Variants in DCDC2 observed in about 807,000 individuals in gnomAD.
DCDC2 encodes doublecortin domain containing 2, also known as doublecortin domain-containing protein 2.
In DCDC2, 40 loss-of-function variants were observed where a neutral mutation model predicts 50.2. That is an observed-to-expected ratio of 0.80 (90% confidence interval 0.62 to 1.04). DCDC2 has a LOEUF of 1.04. DCDC2 is among the 50% of genes least tolerant of loss of function. The pLI is 0.00. For synonymous variants in DCDC2, 234 were observed against 210.6 expected (o/e 1.11, Z -0.96); for missense variants, 570 against 581.9 (o/e 0.98, Z 0.21).
chr6:24,239,352 C>T (rs1424094640), intron 7 of DCDC2, among the ~76,000 whole-genome samples: 4 of 152,090 alleles, frequency 2.6e-5, no homozygotes, highest in Non-Finnish European at 5.9e-5. Flanking sequence ...CTTCTGGCAC[C>T]ATCATCTTAT....
chr6:24,226,402 C>T (rs895081386), intron 7 of DCDC2, among the ~76,000 whole-genome samples: 4 of 152,188 alleles, frequency 2.6e-5, no homozygotes, highest in African/African-American at 9.7e-5. Context: ...ACCAGGCTCC[C>T]ACAAGGCTTT....
upstream of DCDC2, among the ~76,000 whole-genome samples, chr6:24,359,355 ATG>A (rs368290347): frequency 0.15 from 4,679 of 32,206 alleles, 271 homozygotes; most frequent in African/African-American, 0.24. Context: ...TATATATTTT[ATG>A]TATATTATAT....
the DCDC2 span, among the ~76,000 whole-genome samples, chr6:24,365,403 T>C: frequency 6.6e-6 from 1 of 152,112 alleles, no homozygotes; most frequent in East Asian, 1.9e-4. Context: ...GCAGTTCTCC[T>C]GCCTCAGCTT....
intron 7 of DCDC2, among the ~76,000 whole-genome samples, chr6:24,256,243 T>C (rs562021046): frequency 1.8e-3 from 269 of 150,410 alleles, no homozygotes; most frequent in Non-Finnish European, 2.7e-3. Flanking sequence ...AGACTAAAGA[T>C]GCAGAGGGAG....
At chr6:24,372,246 C>T in the DCDC2 span, among the ~76,000 whole-genome samples, 1 of 152,054 alleles carries the variant, frequency 6.6e-6, no homozygotes, top group South Asian at 2.1e-4. Flanking sequence ...ACGGTGAAAC[C>T]CCTCTCTACT....
intron 2 of DCDC2, among the ~76,000 whole-genome samples, chr6:24,328,427 G>A (rs903044502): frequency 6.6e-6 from 1 of 152,206 alleles, no homozygotes; most frequent in Non-Finnish European, 1.5e-5. Context: ...ACTTGTATCT[G>A]AATATCTTAG....
chr6:24,269,498 T>C (rs1330385447), intron 7 of DCDC2, among the ~76,000 whole-genome samples: 1 of 152,182 alleles, frequency 6.6e-6, no homozygotes, highest in Non-Finnish European at 1.5e-5. Context: ...GTGTAAGTAC[T>C]GAGCAATTAG....
Position 24,198,993 on chromosome 6 carries a change from G to C in DCDC2, c.1023+6009C>G, listed in dbSNP as rs181814934. ...CTCTGGGTAGGGCATCTCAGAAAGA[G>C]AGGCAGCAGCTCCAGTCAGGGGCTC... On this transcript the variant is annotated intron_variant, in intron 8 of 9. Transcript: ENST00000378454. 3.9e-3 allele frequency among the ~76,000 whole-genome samples: 588 copies of C among 152,316 alleles called. 3 individuals are homozygous for C. The highest frequency in any genetic ancestry group is 0.013 in the African/African-American group (527 of 41,570).
At chr6:24,359,912 G>T (rs1581673137), upstream of DCDC2, among the ~76,000 whole-genome samples, 1 of 152,202 alleles carries the variant, frequency 6.6e-6, no homozygotes, top group South Asian at 2.1e-4. Context: ...CGCAAGCGGG[G>T]CCCTGGTTGG....
intron 8 of DCDC2, among the ~76,000 whole-genome samples, chr6:24,182,373 C>T (rs1482401773): frequency 6.6e-6 from 1 of 151,862 alleles, no homozygotes; most frequent in Non-Finnish European, 1.5e-5. Context: ...AAAAAGGCAA[C>T]CCATAGAATG....
chr6:24,334,243 T>C (rs1760017237), intron 2 of DCDC2, among the ~76,000 whole-genome samples: 1 of 152,234 alleles, frequency 6.6e-6, no homozygotes, highest in African/African-American at 2.4e-5. Flanking sequence ...AAGGTATTGT[T>C]CTTTTATCAT....
intron 7 of DCDC2, among the ~76,000 whole-genome samples, chr6:24,209,393 T>C (rs1761806106): frequency 6.6e-6 from 1 of 152,210 alleles, no homozygotes; most frequent in African/African-American, 2.4e-5. Flanking sequence ...CATCAGCTAT[T>C]CTACCACGAC....
chr6:24,366,336 C>T, the DCDC2 span, among the ~76,000 whole-genome samples: 1 of 152,142 alleles, frequency 6.6e-6, no homozygotes, highest in Non-Finnish European at 1.5e-5. Flanking sequence ...TTTTATTTCT[C>T]TGAAAAACAT....
rs538741049 is a variant in DCDC2 at position 24,299,790 on chromosome 6, G to A, written c.557+1925C>T. Among the ~76,000 whole-genome samples, 33 of 152,068 alleles carry A rather than the reference G, an allele frequency of 2.2e-4. No homozygotes were observed. The East Asian group carries it at 6.0e-3, about 28-fold the overall frequency. Reference sequence around the variant, plus strand: ...TTTAATTAGATGGGCATGGTGGCAGGCGCCTGTAATCCCAGCTGTTTGAGA... The same window carrying A: ...TTTAATTAGATGGGCATGGTGGCAGACGCCTGTAATCCCAGCTGTTTGAGA... On this transcript the variant is annotated intron_variant, in intron 4 of 9. Transcript: ENST00000378454.
the DCDC2 span, among the ~76,000 whole-genome samples, chr6:24,373,717 G>A: frequency 2.5e-3 from 380 of 152,282 alleles, 3 homozygotes; most frequent in African/African-American, 8.7e-3. Flanking sequence ...GGAGTGGTAC[G>A]TCTTTGTATT....
chr6:24,376,817 T>A, the DCDC2 span, among the ~76,000 whole-genome samples: 2 of 132,556 alleles, frequency 1.5e-5, no homozygotes, highest in African/African-American at 5.6e-5. Flanking sequence ...GTTTTTTTAA[T>A]AAAAAAAAAA....
Position 24,180,663 on chromosome 6 carries a change from T to G in DCDC2, c.1024-2031A>C, listed in dbSNP as rs185941636. ...TCATTATTGCCTCTTTCTAGCTACC[T>G]GACATTGGACAGGTCACTTAATTCT... On this transcript the variant is annotated intron_variant, in intron 8 of 9. Coordinates refer to ENST00000378454, the MANE Select transcript of DCDC2 (RefSeq NM_016356.5). Among the ~76,000 whole-genome samples the G allele has an allele frequency of 2.6e-5, 4 of 152,230 alleles. No individual in the cohort carries two copies. The East Asian group carries it at 7.7e-4, about 29-fold the overall frequency.
At chr6:24,185,475 G>A (rs1226086526) in intron 8 of DCDC2, among the ~76,000 whole-genome samples, 1 of 151,984 alleles carries the variant, frequency 6.6e-6, no homozygotes, top group Non-Finnish European at 1.5e-5. Flanking sequence ...CCTGAGTCTG[G>A]AACAAAATTT....
chr6:24,290,000 T>C (rs1194575750), intron 5 of DCDC2, among the ~76,000 whole-genome samples: 2 of 89,074 alleles, frequency 2.2e-5, no homozygotes, highest in African/African-American at 1.4e-4. Flanking sequence ...TTTTTTTTTT[T>C]TTTTTTTTTT....
Sources: allele counts gnomAD v4.1 joint callset (sites outside exome capture counted in the v4.1 genomes callset), GRCh38; gene constraint gnomAD v4.1.1; transcripts MANE v1.5; gene names NCBI Gene and HGNC (gene_info 2026-07-23, HGNC 2026-07-21).